Variants in DPYD observed in about 807,000 individuals in gnomAD.
The protein encoded by DPYD is dihydropyrimidine dehydrogenase.
In DPYD, 109 loss-of-function variants were observed where a neutral mutation model predicts 116.2. The ratio of observed to expected loss-of-function variants is 0.94; its 90% CI spans 0.80 to 1.10. The LOEUF is 1.10. DPYD is among the 50% of genes least tolerant of loss of function. The pLI is 0.00. For missense variants in DPYD, 1,302 were observed against 1,254.5 expected (o/e 1.04, Z -0.57); for synonymous variants, 440 against 432.0 (o/e 1.02, Z -0.23).
intron 8 of DPYD, among the ~76,000 whole-genome samples, chr1:97,672,866 G>A (rs1160146011): frequency 1.3e-5 from 2 of 152,000 alleles, no homozygotes; most frequent in Non-Finnish European, 2.9e-5. Flanking sequence ...ATAATTATCT[G>A]TTATTTGTCT....
chr1:97,310,730 C>G (rs559130034), intron 16 of DPYD, among the ~76,000 whole-genome samples: 18 of 151,642 alleles, frequency 1.2e-4, no homozygotes, highest in Admixed American at 4.0e-4. Context: ...CTAATTAACC[C>G]AGAAATTCAA....
At chr1:97,575,865 A>G (rs1414613534) in intron 10 of DPYD, among the ~76,000 whole-genome samples, 1 of 152,214 alleles carries the variant, frequency 6.6e-6, no homozygotes, top group East Asian at 1.9e-4. Flanking sequence ...AGCAGAATTT[A>G]GCATATAGAA....
At chr1:97,751,692 C>T (rs1230126226) in intron 3 of DPYD, among the ~76,000 whole-genome samples, 1 of 151,324 alleles carries the variant, frequency 6.6e-6, no homozygotes, top group South Asian at 2.1e-4. Flanking sequence ...TTGCTTGAGC[C>T]CAGAAGGTCA....
At chr1:97,305,018 AG>A (rs1570471390) in intron 18 of DPYD, among the ~76,000 whole-genome samples, 1 of 151,988 alleles carries the variant, frequency 6.6e-6, no homozygotes, top group East Asian at 1.9e-4. Flanking sequence ...AGAAATTCTT[AG>A]GAAAGCATGG....
At position 97,450,142 on chromosome 1, in the gene DPYD, G is replaced by A. The variant is rs2101792779; in HGVS notation, c.1822C>T (p.Leu608=). 1 of 1,613,928 alleles carries A rather than the reference G, an allele frequency of 6.2e-7. No individual in the cohort carries two copies. The highest frequency in any genetic ancestry group is 1.1e-5 in the South Asian group (1 of 91,078). Residue 608 remains leucine, a synonymous_variant, in exon 14 of 23, where the codon CTG becomes TTG. Coordinates refer to ENST00000370192, the MANE Select transcript of DPYD (RefSeq NM_000110.4). ...PMYGPGQSSF[L]NIELISEKTA... is the part of the protein sequence containing the mutation. ...TTCTCACTGATGAGCTCAATATTCA[G>A]AAAGGAGCTTTGTCCAGGGCCATAC... is the stretch of plus-strand genomic sequence containing the variant.
intron 12 of DPYD, among the ~76,000 whole-genome samples, chr1:97,539,954 G>T (rs1570926905): frequency 6.6e-6 from 1 of 152,012 alleles, no homozygotes; most frequent in African/African-American, 2.4e-5. Flanking sequence ...TAAGTGCTCC[G>T]CCTTCTGAAT....
rs138133026 is a variant in DPYD at position 97,625,200 on chromosome 1, A to C, written c.851-30034T>G. ...TACCACATACTATTTGCAATATTATAACATCATCTTATGCCTCATAAATGT... is the reference window on the plus strand; with the variant it reads ...TACCACATACTATTTGCAATATTATCACATCATCTTATGCCTCATAAATGT... On this transcript the variant is annotated intron_variant, in intron 8 of 22. Coordinates refer to ENST00000370192, the MANE Select transcript of DPYD (RefSeq NM_000110.4). 5.5e-3 allele frequency among the ~76,000 whole-genome samples: 831 copies of C among 152,190 alleles called. 20 individuals are homozygous for C. Among genetic ancestry groups the C allele is most frequent in the Admixed American group, 0.046 (708 of 15,240 alleles).
chr1:97,088,902 C>A (rs1376195948), intron 21 of DPYD, among the ~76,000 whole-genome samples: 1 of 152,174 alleles, frequency 6.6e-6, no homozygotes, highest in Non-Finnish European at 1.5e-5. Flanking sequence ...TTGTTCCCAG[C>A]CCATTTCTCT....
At chr1:97,597,033 G>A (rs1176379843) in intron 8 of DPYD, among the ~76,000 whole-genome samples, 4 of 152,248 alleles carry the variant, frequency 2.6e-5, no homozygotes, top group Non-Finnish European at 1.5e-5. Flanking sequence ...ATGGGTGGCC[G>A]TTTATGTGAT....
At position 97,234,860 on chromosome 1, in the gene DPYD, C is replaced by T. The variant is rs371313778; in HGVS notation, c.2434G>A (p.Val812Ile). ...GLQFLHSGAS[V>I]LQVCSAIQNQ... The stretch of plus-strand genomic sequence containing the variant: ...ACAAACACAATGACTACCTGGAGGA[C>T]GGAAGCACCACTATGGAGAAACTGA... The change falls in exon 19 of 23, where the codon GTC becomes ATC. Residue 812 changes from valine (V) to isoleucine (I), a missense_variant. Val to Ile is a conservative substitution (Grantham distance 29). Transcript: ENST00000370192. 6.1e-5 allele frequency: 98 copies of T among 1,613,762 alleles called. No homozygotes were observed. The Middle Eastern group carries it at 6.6e-4, about 11-fold the overall frequency.
At position 97,339,980 on chromosome 1, in the gene DPYD, T is replaced by C. The variant is rs373219066; in HGVS notation, c.2058+33581A>G. Among the ~76,000 whole-genome samples the C allele has an allele frequency of 3.3e-5, 5 of 152,172 alleles. No individual in the cohort carries two copies. The East Asian group carries it at 7.7e-4, about 23-fold the overall frequency. ...AGGAGTAAAATGGGCAAGTAGGCTG[T>C]CTTAGTGTGATCATTGTCATTACTG... On this transcript the variant is annotated intron_variant, in intron 16 of 22. Coordinates refer to ENST00000370192, the MANE Select transcript of DPYD (RefSeq NM_000110.4).
chr1:97,603,118 G>A (rs1044320643), intron 8 of DPYD, among the ~76,000 whole-genome samples: 22 of 151,358 alleles, frequency 1.5e-4, no homozygotes, highest in Middle Eastern at 3.4e-3. Context: ...TTTAATCCCC[G>A]CATTGTGAAG....
In DPYD at chr1:97,653,391, G is replaced by A. The variant is rs185336651; in HGVS notation, c.850+25704C>T. 1.0e-4 allele frequency among the ~76,000 whole-genome samples: 15 copies of A among 149,652 alleles called. No individual in the cohort carries two copies. In the South Asian group the frequency reaches 2.1e-3, roughly 21 times the overall value. ...GCCATCTCAGCTCACTGCAACCTCC[G>A]ACTCCCGGGTTCAAGCGATTCTCCT... is the stretch of plus-strand genomic sequence containing the variant. On this transcript the variant is annotated intron_variant, in intron 8 of 22. Transcript: ENST00000370192.
chr1:97,482,234 T>A (rs1678362653), intron 13 of DPYD, among the ~76,000 whole-genome samples: 1 of 152,204 alleles, frequency 6.6e-6, no homozygotes, highest in African/African-American at 2.4e-5. Context: ...TATCCAGTTC[T>A]TCCCATTGCA....
At chr1:97,610,873 G>C (rs1655901016) in intron 8 of DPYD, among the ~76,000 whole-genome samples, 1 of 151,964 alleles carries the variant, frequency 6.6e-6, no homozygotes, top group African/African-American at 2.4e-5. Context: ...CATCTGGGGA[G>C]CTTTAAAATG....
intron 8 of DPYD, among the ~76,000 whole-genome samples, chr1:97,632,122 G>T (rs1657300586): frequency 6.6e-6 from 1 of 152,048 alleles, no homozygotes; most frequent in South Asian, 2.1e-4. Flanking sequence ...TATCAAGCAG[G>T]TTTTCATAAG....
intron 2 of DPYD, among the ~76,000 whole-genome samples, chr1:97,846,249 CT>C (rs141449221): frequency 2.0e-5 from 3 of 152,190 alleles, no homozygotes; most frequent in Admixed American, 1.3e-4. Flanking sequence ...AGCTCCGTGT[CT>C]TTTTTCCCCA....
chr1:97,794,024 ACTTC>A lies in DPYD; in HGVS notation c.233+34086_233+34089del, dbSNP rs568454782. ...GCAATCATGGCTCACTGCAGCCTCA[ACTTC>A]CTGGGCTCAGGTGATCTTCCTTCCT... On this transcript the variant is annotated intron_variant, in intron 3 of 22. Transcript: ENST00000370192. Among the ~76,000 whole-genome samples, 146 of 152,292 alleles carry A rather than the reference ACTTC, an allele frequency of 9.6e-4. 1 individual carries two copies. The highest frequency in any genetic ancestry group is 2.5e-3 in the South Asian group (12 of 4,826).
At chr1:97,245,562 T>A (rs749845722) in intron 18 of DPYD, among the ~76,000 whole-genome samples, 1 of 152,078 alleles carries the variant, frequency 6.6e-6, no homozygotes, top group Non-Finnish European at 1.5e-5. Flanking sequence ...TTACACAGCA[T>A]AAAAATCTCA....
Sources: gnomAD v4.1 joint callset for allele counts (sites outside exome capture counted in the v4.1 genomes callset) on GRCh38, gnomAD v4.1.1 for gene constraint, MANE v1.5 for transcripts, NCBI Gene and HGNC (gene_info 2026-07-23, HGNC 2026-07-21) for gene names.